GPC6: variants seen among roughly 807,000 people sequenced by gnomAD.
The protein encoded by GPC6 is glypican-6.
In GPC6, 14 loss-of-function variants were observed where a neutral mutation model predicts 55.2. The ratio of observed to expected loss-of-function variants is 0.25; its 90% CI spans 0.17 to 0.40. The LOEUF is 0.40. Among genes scored for constraint, GPC6 ranks in the 10% least tolerant of loss-of-function variants. GPC6 has a pLI of 1.00. For missense variants in GPC6, 641 were observed against 708.5 expected, an observed-to-expected ratio of 0.90 and a Z score of 1.08; for synonymous variants, 278 against 259.6, an observed-to-expected ratio of 1.07 and a Z score of -0.68.
intron 1 of GPC6, among the ~76,000 whole-genome samples, chr13:93,244,009 G>C (rs1876521573): frequency 6.6e-6 from 1 of 152,044 alleles, no homozygotes. Flanking sequence ...AAGGTGGGTG[G>C]AGGGGAAAAG....
chr13:93,950,700 A>G (rs1879215774), intron 3 of GPC6, among the ~76,000 whole-genome samples: 1 of 151,992 alleles, frequency 6.6e-6, no homozygotes, highest in African/African-American at 2.4e-5. Context: ...TATTTTCATG[A>G]TTCTGGCTTT....
intron 6 of GPC6, among the ~76,000 whole-genome samples, chr13:94,349,522 C>G (rs976832801): frequency 6.6e-6 from 1 of 152,208 alleles, no homozygotes; most frequent in Non-Finnish European, 1.5e-5. Flanking sequence ...TTCATAGCAT[C>G]AAGTTCAATG....
intron 4 of GPC6, among the ~76,000 whole-genome samples, chr13:94,280,400 C>T (rs1892343502): frequency 6.6e-6 from 1 of 152,194 alleles, no homozygotes; most frequent in African/African-American, 2.4e-5. Context: ...TCAGTCCCCT[C>T]TAGCTGTGCT....
In GPC6 at chr13:93,367,342, T is replaced by A. The variant is rs76875103; in HGVS notation, c.160+139726T>A. On this transcript the variant is annotated intron_variant, in intron 1 of 8. Coordinates refer to ENST00000377047, the MANE Select transcript of GPC6 (RefSeq NM_005708.5). ...GGCATTATTTTTGTCATACCTCTTT[T>A]TATCATTGTTAGCTTTGCTAGAGGT... Among the ~76,000 whole-genome samples, 398 of 152,254 alleles carry A rather than the reference T, an allele frequency of 2.6e-3. 1 individual carries two copies. Among genetic ancestry groups the A allele is most frequent in the African/African-American group, 9.1e-3 (378 of 41,566 alleles).
intron 4 of GPC6, among the ~76,000 whole-genome samples, chr13:94,150,081 C>G (rs1414131890): frequency 1.3e-5 from 2 of 152,038 alleles, no homozygotes; most frequent in Non-Finnish European, 2.9e-5. Flanking sequence ...CCAACCAAGC[C>G]CTTCTTGGTG....
At chr13:93,390,859 A>G (rs1040836883) in intron 1 of GPC6, among the ~76,000 whole-genome samples, 2 of 151,040 alleles carry the variant, frequency 1.3e-5, no homozygotes, top group Non-Finnish European at 2.9e-5. Context: ...TTATAAGGGC[A>G]TTTACCTTCA....
At chr13:93,637,284 T>A (rs898141961) in intron 2 of GPC6, among the ~76,000 whole-genome samples, 1 of 152,182 alleles carries the variant, frequency 6.6e-6, no homozygotes, top group Admixed American at 6.6e-5. Flanking sequence ...TGTTATTATG[T>A]GTGGCATATC....
At chr13:93,992,996 T>C (rs982149681) in intron 3 of GPC6, among the ~76,000 whole-genome samples, 5 of 117,338 alleles carry the variant, frequency 4.3e-5, no homozygotes, top group African/African-American at 1.3e-4. Flanking sequence ...TCACATCTGA[T>C]TTCTTTTTGA....
rs183001925 is a variant in GPC6, at chr13:94,340,009, C to T, written c.1152+33886C>T. Reference sequence around the variant, plus strand: ...AACTCCCGATCTCAGGTGATCCACCCGCCTCACCCTCCCAAAGTGCTGGGA... The same window carrying T: ...AACTCCCGATCTCAGGTGATCCACCTGCCTCACCCTCCCAAAGTGCTGGGA... On this transcript the variant is annotated intron_variant, in intron 6 of 8. Transcript: ENST00000377047. Among the ~76,000 whole-genome samples, 737 of 151,826 alleles carry T rather than the reference C, an allele frequency of 4.9e-3. 2 individuals carry two copies. Among genetic ancestry groups the T allele is most frequent in the Non-Finnish European group, 4.1e-3 (279 of 67,890 alleles).
chr13:94,063,651 C>G (rs1884415231), intron 4 of GPC6, among the ~76,000 whole-genome samples: 1 of 152,120 alleles, frequency 6.6e-6, no homozygotes, highest in Non-Finnish European at 1.5e-5. Flanking sequence ...TGTCCTCTCT[C>G]AAAGCCCGAG....
intron 1 of GPC6, among the ~76,000 whole-genome samples, chr13:93,498,047 C>T (rs991404119): frequency 6.6e-6 from 1 of 152,180 alleles, no homozygotes; most frequent in Non-Finnish European, 1.5e-5. Context: ...CACTGAAGAG[C>T]TTAGACCAGT....
chr13:93,539,120 T>C (rs1882183761), intron 1 of GPC6, among the ~76,000 whole-genome samples: 1 of 152,154 alleles, frequency 6.6e-6, no homozygotes, highest in African/African-American at 2.4e-5. Flanking sequence ...ATTAAAACAC[T>C]TAGAGATTTT....
chr13:93,945,357 T>A (rs1381132806), intron 3 of GPC6, among the ~76,000 whole-genome samples: 1 of 152,186 alleles, frequency 6.6e-6, no homozygotes, highest in Non-Finnish European at 1.5e-5. Context: ...AGCTTGTGCC[T>A]GCAAGGGAGT....
At chr13:93,413,557 CTT>C (rs78359740) in intron 1 of GPC6, among the ~76,000 whole-genome samples, 3 of 142,162 alleles carry the variant, frequency 2.1e-5, no homozygotes, top group East Asian at 4.1e-4. Flanking sequence ...GTATTTTGTT[CTT>C]TTTTTTTTTT....
chr13:93,378,844 C>A (rs1243965623), intron 1 of GPC6, among the ~76,000 whole-genome samples: 2 of 151,546 alleles, frequency 1.3e-5, no homozygotes, highest in African/African-American at 2.4e-5. Flanking sequence ...ATAAATACAA[C>A]AATTACCAGG....
rs1378624309 is a variant in GPC6, at chr13:93,457,801, A to G, written c.161-87462A>G. ...ACCAGAGATACTAATGAGAAGGAGT[A>G]TACCTTCATCCATGTATCTGTCGAT... On this transcript the variant is annotated intron_variant, in intron 1 of 8. Transcript: ENST00000377047. 2.6e-5 allele frequency among the ~76,000 whole-genome samples: 4 copies of G among 152,116 alleles called. No individual in the cohort carries two copies. The East Asian group carries it at 5.8e-4, about 22-fold the overall frequency.
At chr13:93,297,526 G>A (rs1328593989) in intron 1 of GPC6, among the ~76,000 whole-genome samples, 1 of 152,202 alleles carries the variant, frequency 6.6e-6, no homozygotes, top group Non-Finnish European at 1.5e-5. Flanking sequence ...AGCTACTTGG[G>A]AGGCTGAGGC....
chr13:93,618,575 A>G (rs972939553), intron 2 of GPC6, among the ~76,000 whole-genome samples: 10 of 152,204 alleles, frequency 6.6e-5, no homozygotes, highest in Admixed American at 3.9e-4. Context: ...AGTAAACTCA[A>G]TGTCTCTAAT....
chr13:93,597,737 C>A (rs547208961), intron 2 of GPC6, among the ~76,000 whole-genome samples: 1 of 152,204 alleles, frequency 6.6e-6, no homozygotes, highest in African/African-American at 2.4e-5. Flanking sequence ...TTCTCTAGCT[C>A]ACTGTATTGT....
Sources: gnomAD v4.1 joint callset for allele counts (sites outside exome capture counted in the v4.1 genomes callset) on GRCh38, gnomAD v4.1.1 for gene constraint, MANE v1.5 for transcripts, NCBI Gene and HGNC (gene_info 2026-07-23, HGNC 2026-07-21) for gene names.